CORO1C: variants seen among roughly 807,000 people sequenced by gnomAD.
The protein encoded by CORO1C is coronin-1C.
Under a neutral mutation model 51.2 loss-of-function variants are expected in CORO1C, and 14 were observed. That is an observed-to-expected ratio of 0.27 (90% CI 0.18 to 0.43). The LOEUF (loss-of-function observed/expected upper bound fraction) is 0.43, where lower values mean the gene tolerates loss of function less well. CORO1C is among the 20% of genes least tolerant of loss of function. CORO1C has a pLI of 1.00. For missense variants in CORO1C, 417 were observed against 607.8 expected (o/e 0.69, Z 3.30); for synonymous variants, 181 against 210.5 (o/e 0.86, Z 1.21).
chr12:108,657,442 C>T lies in CORO1C; in HGVS notation c.631-19G>A, dbSNP rs1483049085. 9.3e-6 allele frequency: 15 copies of T among 1,609,780 alleles called. No individual in the cohort carries two copies. Among genetic ancestry groups the T allele is most frequent in the Non-Finnish European group, 1.3e-5 (15 of 1,178,124 alleles). On this transcript the variant is annotated intron_variant, in intron 5 of 10. Transcript: ENST00000261401. ...CCTTCTCCTGGAGAGCAAAAAGGCA[C>T]ATGCCACACATTAAACTGCAAGAAG...
rs926743479 is a variant in CORO1C, at chr12:108,678,200, CCA to C, written c.318+70_318+71del. 6.9e-6 allele frequency: 10 copies of C among 1,450,032 alleles called. No homozygotes were observed. The African/African-American group carries it at 9.9e-5, about 14-fold the overall frequency. 89.8% of individuals were successfully genotyped at this position (1,450,032 alleles called of 1,614,324 possible). ...CAAGCCTCTATACATACACACACAC[CCA>C]CACACATGCTTTTGAAAGCAGTAGG... On this transcript the variant is annotated intron_variant, in intron 3 of 10. Coordinates refer to ENST00000261401, the MANE Select transcript of CORO1C (RefSeq NM_014325.4).
At position 108,678,290 on chromosome 12, in the gene CORO1C, T is replaced by C; in HGVS notation, c.300A>G (p.Ser100=). Residue 100 remains serine, a synonymous_variant, in exon 3 of 11, where the codon TCA becomes TCG. Transcript: ENST00000261401. ...PHNDQVIASG[S]EDCTVMVWQI... The stretch of plus-strand genomic sequence containing the variant: ...AGCTTACCATGACCGTGCAGTCCTC[T>C]GAACCGCTGGCAATGACCTGATCGT... 1.9e-6 allele frequency: 3 copies of C among 1,613,016 alleles called. 1 individual carries two copies. The South Asian group carries it at 3.3e-5, about 18-fold the overall frequency.
chr12:108,723,219 G>A (rs577748936), intron 1 of CORO1C, among the ~76,000 whole-genome samples: 6 of 152,218 alleles, frequency 3.9e-5, no homozygotes, highest in South Asian at 4.1e-4. Context: ...AGATGACAGC[G>A]CACTTTCACG....
rs1191685603 is a variant in CORO1C at position 108,718,371 on chromosome 12, A to C, written c.-6+13058T>G. On this transcript the variant is annotated intron_variant, in intron 1 of 10. Transcript: ENST00000261401. The stretch of plus-strand genomic sequence containing the variant: ...CGACAAGAGTGAGACTCCGTCTCGA[A>C]AAAAAAAAAAAAATACAAAAATTAG... Among the ~76,000 whole-genome samples the C allele has an allele frequency of 1.7e-3, 68 of 40,172 alleles. No individual in the cohort carries two copies. In the East Asian group the frequency reaches 0.091, roughly 54 times the overall value. 26.4% of individuals were successfully genotyped at this position (40,172 alleles called of 152,430 possible). A position where few individuals can be genotyped will look rare whatever the true frequency, so the allele number is the denominator to read the frequency against.
At chr12:108,716,212 TCAA>T (rs2035334290) in intron 1 of CORO1C, among the ~76,000 whole-genome samples, 2 of 150,014 alleles carry the variant, frequency 1.3e-5, no homozygotes, top group African/African-American at 4.9e-5. Context: ...ACTTTTCTTA[TCAA>T]CAACTGGTAA....
chr12:108,659,799 G>C (rs2033179775), intron 4 of CORO1C, among the ~76,000 whole-genome samples: 1 of 152,204 alleles, frequency 6.6e-6, no homozygotes, highest in Non-Finnish European at 1.5e-5. Context: ...GCTCACAACA[G>C]ATCTGTACCT....
In CORO1C at chr12:108,647,401, C is replaced by T; in HGVS notation, c.*2G>A. 6.2e-7 allele frequency: 1 copy of T among 1,612,848 alleles called. No homozygotes were observed. The highest frequency in any genetic ancestry group is 2.2e-5 in the East Asian group (1 of 44,838). On this transcript the variant is annotated 3_prime_UTR_variant, in exon 11 of 11. Transcript: ENST00000261401. ...TTTTCTGTAGGGGTGGGGGTGGGAC[C>T]TTCAGGCTGCTATCTTTGCCATCTG...
At chr12:108,650,925 TAA>T (rs1047794407) in intron 8 of CORO1C, among the ~76,000 whole-genome samples, 1 of 147,434 alleles carries the variant, frequency 6.8e-6, no homozygotes. Context: ...TTATTCCAAC[TAA>T]AAAAAAAAAA....
In CORO1C at chr12:108,651,493, A is replaced by ACCGC. The variant is rs1226213648; in HGVS notation, c.1001+775_1001+778dup. Among the ~76,000 whole-genome samples, 10 of 152,120 alleles carry ACCGC rather than the reference A, an allele frequency of 6.6e-5. No homozygotes were observed. In the South Asian group the frequency reaches 8.3e-4, roughly 13 times the overall value. Reference sequence around the variant, plus strand: ...TGAACTTCCTAAATCAAGCTAACCTACCGCCCCATTATAGGACCTTTGGTT... The same window carrying ACCGC: ...TGAACTTCCTAAATCAAGCTAACCTACCGCCCGCCCCATTATAGGACCTTTGGTT... On this transcript the variant is annotated intron_variant, in intron 8 of 10. Transcript: ENST00000261401.
At chr12:108,730,208 G>A (rs1782158093) in intron 1 of CORO1C, 1 of 152,230 alleles carries the variant, frequency 6.6e-6, no homozygotes, top group African/African-American at 2.4e-5. Context: ...TTTGCAACAT[G>A]TAGAGCAAGC....
intron 3 of CORO1C, 102 bp downstream of exon 3, chr12:108,678,170 C>T (rs888371711): frequency 7.8e-6 from 8 of 1,026,370 alleles, no homozygotes; most frequent in East Asian, 2.8e-5. Context: ...TAACGTTCTG[C>T]TTTTCAAGCC....
intron 1 of CORO1C, chr12:108,702,759 G>T: frequency 6.8e-7 from 1 of 1,478,136 alleles, no homozygotes; most frequent in Non-Finnish European, 9.0e-7. Flanking sequence ...ACTGCTAAAT[G>T]CAGAGAGACG....
chr12:108,674,867 A>C (rs114394735), intron 3 of CORO1C, among the ~76,000 whole-genome samples: 3,776 of 152,318 alleles, frequency 0.025, 167 homozygotes, highest in African/African-American at 0.087. Flanking sequence ...CACTGTTGAA[A>C]TGACAACAAA....
chr12:108,648,925 G>A, intron 9 of CORO1C, 38 bp downstream of exon 9: 1 of 1,611,140 alleles, frequency 6.2e-7, no homozygotes, highest in Non-Finnish European at 8.5e-7. Flanking sequence ...TTTTACATTT[G>A]TTTAAAATAT....
intron 1 of CORO1C, among the ~76,000 whole-genome samples, chr12:108,720,814 C>T (rs2035459285): frequency 6.6e-6 from 1 of 152,138 alleles, no homozygotes; most frequent in Non-Finnish European, 1.5e-5. Flanking sequence ...TGAGCCACCG[C>T]ACCCGGCAAA....
intron 1 of CORO1C, among the ~76,000 whole-genome samples, chr12:108,716,004 G>A (rs886839963): frequency 1.3e-5 from 2 of 151,486 alleles, no homozygotes; most frequent in Non-Finnish European, 2.9e-5. Flanking sequence ...GGTGGCACGC[G>A]CCTGTAATCC....
intron 3 of CORO1C, among the ~76,000 whole-genome samples, chr12:108,663,664 G>T (rs1321496978): frequency 6.6e-6 from 1 of 152,206 alleles, no homozygotes; most frequent in Non-Finnish European, 1.5e-5. Context: ...AATAGTGGTT[G>T]CTTAGTGTTG....
At chr12:108,725,832 A>G (rs1408456444) in intron 1 of CORO1C, among the ~76,000 whole-genome samples, 2 of 151,804 alleles carry the variant, frequency 1.3e-5, no homozygotes, top group Non-Finnish European at 2.9e-5. Flanking sequence ...TTTTTTTGAG[A>G]CGGATTCTTT....
chr12:108,665,294 G>A (rs1280347054), intron 3 of CORO1C, among the ~76,000 whole-genome samples: 8 of 152,180 alleles, frequency 5.3e-5, no homozygotes, highest in Admixed American at 5.2e-4. Context: ...AACTCTGTGT[G>A]TTCCTTCTTT....
Sources: allele counts gnomAD v4.1 joint callset (sites outside exome capture counted in the v4.1 genomes callset), GRCh38; gene constraint gnomAD v4.1.1; transcripts MANE v1.5; gene names NCBI Gene and HGNC (gene_info 2026-07-23, HGNC 2026-07-21).